ZNF608: variants seen among roughly 807,000 people sequenced by gnomAD.
The protein encoded by ZNF608 is zinc finger protein 608.
ZNF608 carries 12 observed loss-of-function variants against 109.0 expected under a neutral mutation model. The ratio of observed to expected loss-of-function variants is 0.11; its 90% CI spans 0.07 to 0.18. The LOEUF (loss-of-function observed/expected upper bound fraction) is 0.18, where lower values mean the gene tolerates loss of function less well. Among genes scored for constraint, ZNF608 ranks in the 10% least tolerant of loss-of-function variants. The pLI, the probability that ZNF608 is intolerant of heterozygous loss-of-function variation, is 1.00. For synonymous variants in ZNF608, 732 were observed against 717.4 expected (o/e 1.02, Z -0.33); for missense variants, 1,707 against 1,879.3 (o/e 0.91, Z 1.70).
Position 124,745,136 on chromosome 5 carries a change from C to A in ZNF608, c.-147G>T. ...CTTTTTCCTGCCCCACGAATGTGTC[C>A]AGGGATTTTACACCCTCAGTCCAGG... On this transcript the variant is annotated 5_prime_UTR_variant, in exon 2 of 10. Coordinates refer to ENST00000513986, the MANE Select transcript of ZNF608 (RefSeq NM_020747.3). 7.0e-7 allele frequency: 1 copy of A among 1,438,768 alleles called. No individual in the cohort carries two copies. The highest frequency in any genetic ancestry group is 2.0e-4 in the Middle Eastern group (1 of 4,980). 89.1% of individuals were successfully genotyped at this position (1,438,768 alleles called of 1,614,324 possible).
chr5:124,748,798 AG>A (rs983898602), upstream of ZNF608: 1 of 68,152 alleles, frequency 1.5e-5, no homozygotes, highest in African/African-American at 4.2e-5. Context: ...ACACACACAC[AG>A]GGGGAGTGGA....
chr5:124,700,635 C>A (rs992376265), intron 3 of ZNF608, among the ~76,000 whole-genome samples: 1 of 152,220 alleles, frequency 6.6e-6, no homozygotes, highest in African/African-American at 2.4e-5. Flanking sequence ...CTCTACAACA[C>A]AAAAACAACC....
chr5:124,697,380 T>A (rs1752893696), intron 3 of ZNF608, among the ~76,000 whole-genome samples: 1 of 151,924 alleles, frequency 6.6e-6, no homozygotes, highest in Non-Finnish European at 1.5e-5. Context: ...ATTTTTTTTT[T>A]AAAGAGCAAA....
At chr5:124,672,560 T>C (rs1382286885) in intron 3 of ZNF608, among the ~76,000 whole-genome samples, 1 of 152,192 alleles carries the variant, frequency 6.6e-6, no homozygotes, top group African/African-American at 2.4e-5. Flanking sequence ...TGTAACATAG[T>C]TTAAGATGTT....
chr5:124,741,660 C>CTAAAT (rs1749410342), intron 2 of ZNF608, among the ~76,000 whole-genome samples: 1 of 152,170 alleles, frequency 6.6e-6, no homozygotes, highest in Non-Finnish European at 1.5e-5. Context: ...AATAGGTATT[C>CTAAAT]TCACATCAGT....
At chr5:124,719,420 TC>T (rs1207392266) in intron 2 of ZNF608, among the ~76,000 whole-genome samples, 4 of 152,232 alleles carry the variant, frequency 2.6e-5, no homozygotes, top group East Asian at 1.9e-4. Context: ...GGCCTGGGTT[TC>T]CCTGCCACTT....
upstream of ZNF608, chr5:124,746,659 T>A (rs1202150408): frequency 6.1e-6 from 6 of 985,060 alleles, no homozygotes; most frequent in Non-Finnish European, 7.2e-6. Flanking sequence ...TGTGCTAACA[T>A]CGGGATAAAT....
chr5:124,703,414 T>C (rs1482456626), intron 2 of ZNF608, among the ~76,000 whole-genome samples: 1 of 152,128 alleles, frequency 6.6e-6, no homozygotes, highest in African/African-American at 2.4e-5. Flanking sequence ...TGATATTAAC[T>C]AGCTTATGAC....
chr5:124,647,795 C>T lies in ZNF608; in HGVS notation c.2589G>A (p.Gly863=). The T allele has an allele frequency of 6.2e-7, 1 of 1,614,156 alleles. No homozygotes were observed. The highest frequency in any genetic ancestry group is 8.5e-7 in the Non-Finnish European group (1 of 1,179,996). Residue 863 remains glycine (G), a synonymous_variant, in exon 5 of 10, where the codon GGG becomes GGA. Coordinates refer to ENST00000513986, the MANE Select transcript of ZNF608 (RefSeq NM_020747.3). ...FLKDHLNKNE[G]LANGLSESQE... is the part of the protein sequence containing the mutation. Reference sequence around the variant, plus strand: ...GAGACTCCGACAGTCCATTTGCCAGCCCTTCATTCTTGTTGAGATGATCCT... The same window carrying T: ...GAGACTCCGACAGTCCATTTGCCAGTCCTTCATTCTTGTTGAGATGATCCT...
intron 2 of ZNF608, among the ~76,000 whole-genome samples, chr5:124,721,462 T>C (rs1256295292): frequency 6.6e-6 from 1 of 152,060 alleles, no homozygotes; most frequent in Non-Finnish European, 1.5e-5. Flanking sequence ...AGGGGAAACA[T>C]GCGCTCACAC....
At chr5:124,668,210 A>C (rs1370188193) in intron 3 of ZNF608, among the ~76,000 whole-genome samples, 5 of 144,224 alleles carry the variant, frequency 3.5e-5, no homozygotes, top group Non-Finnish European at 3.0e-5. Context: ...ATATATATAT[A>C]TATATATTAT....
chr5:124,672,261 A>T (rs1751760259), intron 3 of ZNF608, among the ~76,000 whole-genome samples: 1 of 152,162 alleles, frequency 6.6e-6, no homozygotes, highest in Non-Finnish European at 1.5e-5. Flanking sequence ...TAACCACAGC[A>T]TGGCTGACTC....
upstream of ZNF608, among the ~76,000 whole-genome samples, chr5:124,747,233 T>C (rs1391504395): frequency 6.7e-6 from 1 of 150,190 alleles, no homozygotes; most frequent in Middle Eastern, 3.2e-3. Context: ...CAGCAAACGG[T>C]GTGTCTCCCT....
At chr5:124,734,959 A>G (rs1749076570) in intron 2 of ZNF608, 1 of 152,214 alleles carries the variant, frequency 6.6e-6, no homozygotes, top group African/African-American at 2.4e-5. Context: ...AATCTTGAAA[A>G]GATGGAAAAG....
intron 2 of ZNF608, among the ~76,000 whole-genome samples, chr5:124,719,574 A>G (rs1417444658): frequency 6.6e-6 from 1 of 152,202 alleles, no homozygotes; most frequent in African/African-American, 2.4e-5. Context: ...TGGGGTTCCT[A>G]TTGCTTCTCA....
chr5:124,726,240 TGG>T (rs1335867476), intron 2 of ZNF608, among the ~76,000 whole-genome samples: 1 of 152,148 alleles, frequency 6.6e-6, no homozygotes, highest in African/African-American at 2.4e-5. Flanking sequence ...AGCCCACCTC[TGG>T]GCCCTAGTCT....
chr5:124,639,197 G>C lies in ZNF608; in HGVS notation c.4468C>G (p.Leu1490Val). 1 of 1,614,182 alleles carries C rather than the reference G, an allele frequency of 6.2e-7. No individual in the cohort carries two copies. The highest frequency in any genetic ancestry group is 8.5e-7 in the Non-Finnish European group (1 of 1,180,008). Reference protein sequence around the residue: ...DPFQGLTSAALVASQQVAAQA... With the variant: ...DPFQGLTSAAVVASQQVAAQA... ...GCAGCCACCTGCTGAGAGGCAACAA[G>C]GGCAGCAGAGGTCAAGCCTAATGGG... Residue 1490 changes from leucine to valine, a missense_variant, in exon 9 of 10, where the codon CTT (leucine) becomes GTT (valine). Leu to Val is a conservative substitution (Grantham distance 32). Transcript: ENST00000513986.
chr5:124,692,379 C>T (rs1048923107), intron 3 of ZNF608, among the ~76,000 whole-genome samples: 6 of 152,204 alleles, frequency 3.9e-5, no homozygotes, highest in Non-Finnish European at 8.8e-5. Context: ...TGACTCTGTG[C>T]CAGGCGCTGG....
Position 124,713,706 on chromosome 5 carries a change from C to T in ZNF608, c.907-12437G>A, listed in dbSNP as rs1171297130. On this transcript the variant is annotated intron_variant, in intron 2 of 9. Coordinates refer to ENST00000513986, the MANE Select transcript of ZNF608 (RefSeq NM_020747.3). ...TCAGCCATTTACAGAAAAAATTTGC[C>T]AATCCTTGCTCTACTGAATTCAAGA... 2.6e-5 allele frequency among the ~76,000 whole-genome samples: 4 copies of T among 152,156 alleles called. No homozygotes were observed. In the East Asian group the frequency reaches 7.7e-4, roughly 29 times the overall value.
Sources: allele counts gnomAD v4.1 joint callset (sites outside exome capture counted in the v4.1 genomes callset), GRCh38; gene constraint gnomAD v4.1.1; transcripts MANE v1.5; gene names NCBI Gene and HGNC (gene_info 2026-07-23, HGNC 2026-07-21).